Variants in EPHA6 observed in about 807,000 individuals in gnomAD.
EPHA6 encodes ephrin type-A receptor 6.
EPHA6 carries 50 observed loss-of-function variants against 112.0 expected under a neutral mutation model. The ratio of observed to expected loss-of-function variants is 0.45; its 90% confidence interval spans 0.36 to 0.56. The LOEUF (loss-of-function observed/expected upper bound fraction) is 0.56. Ranked by LOEUF, EPHA6 falls within the 20% of genes least tolerant of loss-of-function variation. EPHA6 has a pLI of 0.00. For synonymous variants in EPHA6, 529 were observed against 490.7 expected (o/e 1.08, Z -1.03); for missense variants, 1,280 against 1,417.4 (o/e 0.90, Z 1.56).
intron 3 of EPHA6, among the ~76,000 whole-genome samples, chr3:97,077,759 T>G (rs1001017828): frequency 1.3e-5 from 2 of 152,130 alleles, no homozygotes; most frequent in Admixed American, 6.6e-5. Flanking sequence ...TTCCATGGTG[T>G]GTATGTGCCA....
chr3:96,944,550 T>C (rs1386068990), intron 2 of EPHA6, among the ~76,000 whole-genome samples: 3 of 152,182 alleles, frequency 2.0e-5, no homozygotes, highest in Non-Finnish European at 2.9e-5. Context: ...AGGCATCTTA[T>C]CCAACATATC....
intron 11 of EPHA6, among the ~76,000 whole-genome samples, chr3:97,567,393 AT>A (rs1296590798): frequency 6.6e-6 from 1 of 152,202 alleles, no homozygotes; most frequent in Non-Finnish European, 1.5e-5. Context: ...GGAAAAAAAA[AT>A]CAATGTTATC....
At chr3:97,143,656 A>C (rs2075965857) in intron 3 of EPHA6, among the ~76,000 whole-genome samples, 2 of 151,788 alleles carry the variant, frequency 1.3e-5, no homozygotes, top group South Asian at 4.1e-4. Flanking sequence ...AAACTGGTAT[A>C]ATCAAGAAGC....
intron 3 of EPHA6, among the ~76,000 whole-genome samples, chr3:97,027,722 T>C (rs1212976468): frequency 2.0e-5 from 3 of 152,228 alleles, no homozygotes; most frequent in Admixed American, 1.3e-4. Flanking sequence ...GTTCCTTTTA[T>C]AACTGCGAGG....
At chr3:97,403,865 C>A (rs1253162917) in intron 5 of EPHA6, among the ~76,000 whole-genome samples, 2 of 152,182 alleles carry the variant, frequency 1.3e-5, no homozygotes, top group African/African-American at 4.8e-5. Flanking sequence ...TTGCCTTTCA[C>A]CCACTAAGGG....
chr3:97,180,521 G>T (rs1311301249), intron 3 of EPHA6, among the ~76,000 whole-genome samples: 1 of 152,032 alleles, frequency 6.6e-6, no homozygotes, highest in Admixed American at 6.6e-5. Context: ...GGTTTCAGAG[G>T]ATCACTGCTG....
intron 5 of EPHA6, among the ~76,000 whole-genome samples, chr3:97,268,493 C>A (rs2079773106): frequency 6.6e-6 from 1 of 152,068 alleles, no homozygotes. Context: ...AGTTATAAAA[C>A]AATATTTAGA....
intron 12 of EPHA6, among the ~76,000 whole-genome samples, chr3:97,595,317 A>G (rs1019715139): frequency 6.6e-6 from 1 of 152,202 alleles, no homozygotes; most frequent in Non-Finnish European, 1.5e-5. Context: ...CGATTAACAG[A>G]ATGCATTTGT....
chr3:97,391,384 A>G (rs1383186063), intron 5 of EPHA6, among the ~76,000 whole-genome samples: 1 of 151,970 alleles, frequency 6.6e-6, no homozygotes, highest in African/African-American at 2.4e-5. Context: ...CTTTAAATTT[A>G]GCACCGTTGG....
At chr3:97,373,439 C>CT (rs1157552298) in intron 5 of EPHA6, among the ~76,000 whole-genome samples, 1 of 151,744 alleles carries the variant, frequency 6.6e-6, no homozygotes, top group African/African-American at 2.4e-5. Context: ...TTGAAAATGT[C>CT]TAAGTTTCTA....
chr3:97,384,508 A>G (rs138228180), intron 5 of EPHA6, among the ~76,000 whole-genome samples: 16 of 152,328 alleles, frequency 1.1e-4, no homozygotes, highest in African/African-American at 3.6e-4. Flanking sequence ...GGTTACTAAC[A>G]TATTTCAATG....
At chr3:96,973,127 A>G (rs2042381561) in intron 2 of EPHA6, among the ~76,000 whole-genome samples, 2 of 152,146 alleles carry the variant, frequency 1.3e-5, no homozygotes, top group African/African-American at 4.8e-5. Context: ...GGCCTAGTTT[A>G]TTTAGCTTGC....
At chr3:97,380,638 C>T (rs2085671220) in intron 5 of EPHA6, among the ~76,000 whole-genome samples, 1 of 152,160 alleles carries the variant, frequency 6.6e-6, no homozygotes, top group Non-Finnish European at 1.5e-5. Context: ...CTTTCTGACA[C>T]ATTTCAGCTA....
chr3:96,985,564 A>T (rs998580995), intron 2 of EPHA6, among the ~76,000 whole-genome samples: 1 of 152,206 alleles, frequency 6.6e-6, no homozygotes, highest in Non-Finnish European at 1.5e-5. Flanking sequence ...GATGGGAAAT[A>T]TCATGTATAT....
At chr3:97,624,135 T>C (rs778817560) in intron 13 of EPHA6, among the ~76,000 whole-genome samples, 1 of 151,764 alleles carries the variant, frequency 6.6e-6, no homozygotes, top group Non-Finnish European at 1.5e-5. Flanking sequence ...AAACTTTCAA[T>C]TTATAACGGT....
chr3:96,896,238 A>G (rs1267520544), intron 2 of EPHA6, among the ~76,000 whole-genome samples: 1 of 152,146 alleles, frequency 6.6e-6, no homozygotes, highest in African/African-American at 2.4e-5. Context: ...CATCTTAAAT[A>G]CACTTGTGAA....
At chr3:97,606,002 G>A (rs971884507) in intron 12 of EPHA6, among the ~76,000 whole-genome samples, 6 of 151,332 alleles carry the variant, frequency 4.0e-5, no homozygotes, top group Non-Finnish European at 8.9e-5. Flanking sequence ...ATAGGGTGAA[G>A]TAAAAGATAA....
intron 3 of EPHA6, among the ~76,000 whole-genome samples, chr3:97,162,789 CTG>C (rs1354912676): frequency 6.6e-6 from 1 of 152,130 alleles, no homozygotes; most frequent in African/African-American, 2.4e-5. Flanking sequence ...GCATGACTCT[CTG>C]TTTATATGAT....
At chr3:97,693,416 GT>G (rs1398240083) in intron 14 of EPHA6, among the ~76,000 whole-genome samples, 1 of 152,162 alleles carries the variant, frequency 6.6e-6, no homozygotes, top group Non-Finnish European at 1.5e-5. Flanking sequence ...AAGGACAATT[GT>G]TTCTAGTATT....
Sources: allele counts gnomAD v4.1 joint callset (sites outside exome capture counted in the v4.1 genomes callset), GRCh38; gene constraint gnomAD v4.1.1; transcripts MANE v1.5; gene names NCBI Gene and HGNC (gene_info 2026-07-23, HGNC 2026-07-21).